PTK2: variants seen among roughly 807,000 people sequenced by gnomAD.
PTK2 encodes focal adhesion kinase 1.
A neutral mutation model predicts 150.1 loss-of-function variants in PTK2; 45 were observed. The observed-to-expected ratio is 0.30, with a 90% CI of 0.24 to 0.38. PTK2 has a LOEUF of 0.38. Among genes scored for constraint, PTK2 ranks in the 10% least tolerant of loss-of-function variants. The probability of loss-of-function intolerance (pLI) is 1.00; values close to 1 mark genes in which losing one functional copy is unlikely to be tolerated. For synonymous variants in PTK2, 432 were observed against 449.2 expected (o/e 0.96, Z 0.48); for missense variants, 919 against 1,307.3 (o/e 0.70, Z 4.58).
chr8:140,949,744 G>T (rs1485290824), intron 1 of PTK2, among the ~76,000 whole-genome samples: 1 of 152,148 alleles, frequency 6.6e-6, no homozygotes, highest in Non-Finnish European at 1.5e-5. Context: ...TGCCATGGAT[G>T]GCTTGTTGAT....
chr8:140,860,508 T>C (rs1729391908), intron 5 of PTK2, among the ~76,000 whole-genome samples: 1 of 152,192 alleles, frequency 6.6e-6, no homozygotes, highest in Non-Finnish European at 1.5e-5. Context: ...AGGGCCTTGC[T>C]CTGTCGCCCA....
intron 1 of PTK2, among the ~76,000 whole-genome samples, chr8:140,953,015 A>G (rs2100180016): frequency 6.6e-6 from 1 of 152,184 alleles, no homozygotes; most frequent in African/African-American, 2.4e-5. Flanking sequence ...CATAAGGGAG[A>G]TTCTATAATA....
chr8:140,881,242 GAA>G (rs770614202), intron 3 of PTK2, among the ~76,000 whole-genome samples: 7 of 152,204 alleles, frequency 4.6e-5, no homozygotes, highest in African/African-American at 9.7e-5. Flanking sequence ...AGCTGAGGGT[GAA>G]AAGAGTCCAC....
At chr8:140,699,645 A>G (rs1257396238) in intron 26 of PTK2, among the ~76,000 whole-genome samples, 1 of 152,240 alleles carries the variant, frequency 6.6e-6, no homozygotes, top group Non-Finnish European at 1.5e-5. Context: ...AATAGTTTAT[A>G]CGTAAGCTGA....
intron 10 of PTK2, among the ~76,000 whole-genome samples, chr8:140,810,155 G>A (rs929185879): frequency 1.3e-5 from 2 of 152,208 alleles, no homozygotes; most frequent in African/African-American, 4.8e-5. Context: ...TCCGAGCAGG[G>A]GGCCCCTCAA....
chr8:140,839,006 A>G (rs1191178360), intron 7 of PTK2, among the ~76,000 whole-genome samples: 1 of 151,094 alleles, frequency 6.6e-6, no homozygotes, highest in Non-Finnish European at 1.5e-5. Flanking sequence ...CTCCGTCTCA[A>G]AAAAAAAAAC....
intron 1 of PTK2, among the ~76,000 whole-genome samples, chr8:140,986,131 G>A (rs1425881253): frequency 2.6e-5 from 4 of 152,158 alleles, no homozygotes; most frequent in Non-Finnish European, 5.9e-5. Flanking sequence ...CTATACCAGC[G>A]CTGCCCAATG....
chr8:140,672,487 C>T (rs1012187157), intron 29 of PTK2, among the ~76,000 whole-genome samples: 1 of 152,188 alleles, frequency 6.6e-6, no homozygotes, highest in Admixed American at 6.5e-5. Context: ...TCCTGATTCC[C>T]AGGCACTTAA....
At chr8:140,995,096 A>AG (rs1437859808) in intron 1 of PTK2, among the ~76,000 whole-genome samples, 2 of 151,606 alleles carry the variant, frequency 1.3e-5, no homozygotes, top group African/African-American at 4.8e-5. Flanking sequence ...AAAAAAAAAA[A>AG]AAAGGACGGG....
chr8:140,908,001 T>C (rs1322453047), intron 2 of PTK2, among the ~76,000 whole-genome samples: 1 of 152,166 alleles, frequency 6.6e-6, no homozygotes, highest in Non-Finnish European at 1.5e-5. Flanking sequence ...TAGAAATGAT[T>C]AAGCCTAGTG....
intron 2 of PTK2, among the ~76,000 whole-genome samples, chr8:140,915,325 G>A (rs1489931383): frequency 6.6e-6 from 1 of 152,048 alleles, no homozygotes; most frequent in East Asian, 1.9e-4. Flanking sequence ...GACTTTGTGA[G>A]GCCAAGGTGG....
At chr8:140,749,666 T>G (rs1018810523) in intron 17 of PTK2, among the ~76,000 whole-genome samples, 2 of 152,226 alleles carry the variant, frequency 1.3e-5, no homozygotes, top group Admixed American at 1.3e-4. Context: ...CTGCATAGTC[T>G]GCAGAACCTA....
chr8:140,784,469 C>T (rs754099487), intron 14 of PTK2, among the ~76,000 whole-genome samples: 1 of 152,172 alleles, frequency 6.6e-6, no homozygotes, highest in South Asian at 2.1e-4. Flanking sequence ...ATCCACCAAA[C>T]AAAACCCCCA....
At chr8:140,834,085 A>G (rs543339815) in intron 7 of PTK2, among the ~76,000 whole-genome samples, 2 of 152,356 alleles carry the variant, frequency 1.3e-5, no homozygotes, top group Non-Finnish European at 2.9e-5. Flanking sequence ...AGAGGCTACC[A>G]AACTAGGTGG....
At chr8:140,790,378 C>T (rs1407526759) in intron 13 of PTK2, among the ~76,000 whole-genome samples, 1 of 152,142 alleles carries the variant, frequency 6.6e-6, no homozygotes, top group Non-Finnish European at 1.5e-5. Flanking sequence ...GGATAGGACC[C>T]AAGTCTAAAC....
chr8:140,831,653 G>A (rs556325461), intron 7 of PTK2, among the ~76,000 whole-genome samples: 46 of 152,186 alleles, frequency 3.0e-4, no homozygotes, highest in African/African-American at 1.1e-3. Context: ...CTGATATTAT[G>A]TTCATTACAT....
At chr8:140,955,002 C>A (rs936098720) in intron 1 of PTK2, among the ~76,000 whole-genome samples, 4 of 152,096 alleles carry the variant, frequency 2.6e-5, no homozygotes, top group African/African-American at 9.7e-5. Context: ...GTCTTCAAAC[C>A]CGTATTTTAG....
At chr8:140,918,526 C>A (rs1388023630) in intron 2 of PTK2, among the ~76,000 whole-genome samples, 1 of 152,146 alleles carries the variant, frequency 6.6e-6, no homozygotes, top group African/African-American at 2.4e-5. Flanking sequence ...CATGTTAAAA[C>A]AAAGTCCTTT....
chr8:140,804,717 G>C (rs2100097323), intron 10 of PTK2, among the ~76,000 whole-genome samples: 1 of 152,216 alleles, frequency 6.6e-6, no homozygotes, highest in Non-Finnish European at 1.5e-5. Context: ...CACTAGAACG[G>C]AGTTGGAATT....
Sources: allele counts gnomAD v4.1 joint callset (sites outside exome capture counted in the v4.1 genomes callset), GRCh38; gene constraint gnomAD v4.1.1; transcripts MANE v1.5; gene names NCBI Gene and HGNC (gene_info 2026-07-23, HGNC 2026-07-21).